The following TNPO1 variants were observed in gnomAD, a reference collection of about 807,000 sequenced individuals.
TNPO1 encodes the protein transportin 1, also known as transportin-1.
Under a neutral mutation model 119.5 loss-of-function variants are expected in TNPO1, and 8 were observed. That is an observed-to-expected ratio of 0.07 (90% CI 0.04 to 0.12). The LOEUF (loss-of-function observed/expected upper bound fraction) is 0.12, where lower values mean the gene tolerates loss of function less well. Ranked by LOEUF, TNPO1 falls within the 10% of genes least tolerant of loss-of-function variation. The probability of loss-of-function intolerance (pLI) is 1.00; values close to 1 mark genes in which losing one functional copy is unlikely to be tolerated. For synonymous variants in TNPO1, 362 were observed against 363.0 expected, an observed-to-expected ratio of 1.00 and a Z score of 0.03; for missense variants, 576 against 1,089.8, an observed-to-expected ratio of 0.53 and a Z score of 6.64.
At chr5:72,821,754 A>T (rs983152357) in intron 1 of TNPO1, among the ~76,000 whole-genome samples, 2 of 152,204 alleles carry the variant, frequency 1.3e-5, no homozygotes, top group Non-Finnish European at 2.9e-5. Context: ...CCAGTAATAG[A>T]TTCGTTGAAT....
chr5:72,896,501 C>A lies in TNPO1; in HGVS notation c.2187C>A (p.Phe729Leu). 1 of 1,611,946 alleles carries A rather than the reference C, an allele frequency of 6.2e-7. No homozygotes were observed. Among genetic ancestry groups the A allele is most frequent in the South Asian group, 1.1e-5 (1 of 90,962 alleles). ...TGGGAACCAACCTAAATCCAGAATT[C>A]ATTTCAGTCTGCAACAATGCCACAT... ...PILGTNLNPEFISVCNNATWA... is the reference protein window; with the variant it reads ...PILGTNLNPELISVCNNATWA... The change falls in exon 19 of 25, where the codon TTC (phenylalanine) becomes TTA (leucine). Residue 729 changes from phenylalanine to leucine, a missense_variant. Phe to Leu is a conservative substitution (Grantham distance 22, BLOSUM62 0). Coordinates refer to ENST00000337273, the MANE Select transcript of TNPO1 (RefSeq NM_002270.4).
Position 72,893,713 on chromosome 5 carries a change from T to G in TNPO1, c.2143+10T>G. 6.2e-7 allele frequency: 1 copy of G among 1,610,358 alleles called. No individual in the cohort carries two copies. ...GTTAAGCCTTGTATAGGTATGAATA[T>G]TTTCTACTGCTATGAATATGGTTTT... On this transcript the variant is annotated intron_variant, in intron 18 of 24. Transcript: ENST00000337273.
intron 20 of TNPO1, among the ~76,000 whole-genome samples, chr5:72,899,705 C>T (rs182537122): frequency 8.3e-4 from 127 of 152,238 alleles, no homozygotes; most frequent in African/African-American, 3.0e-3. Context: ...TACCTTGACA[C>T]TCGATTGAGC....
chr5:72,849,560 G>A (rs1745395297), intron 2 of TNPO1, among the ~76,000 whole-genome samples: 1 of 152,160 alleles, frequency 6.6e-6, no homozygotes, highest in Admixed American at 6.5e-5. Context: ...TACCCCGAGG[G>A]TTTCGCAGAA....
In TNPO1 at chr5:72,913,615, T is replaced by C. The variant is rs1412344163; in HGVS notation, c.*4942T>C. 2 of 152,528 alleles carry C rather than the reference T, an allele frequency of 1.3e-5. No homozygotes were observed. The highest frequency in any genetic ancestry group is 2.9e-5 in the Non-Finnish European group (2 of 67,922). The allele number at this position is 152,528 out of a possible 1,614,324, so 9.4% of individuals were successfully genotyped here. ...TATTGCAGTTTTTGTTTATCTGCCA[T>C]AGAATTTCCTTATACTGTGGCTTGG... On this transcript the variant is annotated 3_prime_UTR_variant, in exon 25 of 25. Transcript: ENST00000337273.
chr5:72,818,874 C>T (rs1041080259), intron 1 of TNPO1, among the ~76,000 whole-genome samples: 54 of 152,270 alleles, frequency 3.5e-4, no homozygotes, highest in Non-Finnish European at 7.1e-4. Context: ...TGAAATTCCC[C>T]TGGAGGTTGA....
intron 1 of TNPO1, 135 bp from the exon 2 acceptor site, chr5:72,848,250 A>C (rs1256339202): frequency 7.7e-7 from 1 of 1,290,848 alleles, no homozygotes; most frequent in African/African-American, 1.5e-5. Flanking sequence ...CACCTCAGGC[A>C]GGTCCGCGGC....
chr5:72,848,555 G>C, intron 2 of TNPO1, 57 bp downstream of exon 2: 2 of 1,150,422 alleles, frequency 1.7e-6, no homozygotes, highest in Non-Finnish European at 2.3e-6. Flanking sequence ...CTGCGGCCCA[G>C]CCCCCGGCGG....
chr5:72,868,171 G>C (rs531657384), intron 6 of TNPO1, among the ~76,000 whole-genome samples: 4 of 151,504 alleles, frequency 2.6e-5, no homozygotes, highest in African/African-American at 9.7e-5. Flanking sequence ...GGTGGCTCAC[G>C]CCTGTAATCC....
At chr5:72,822,910 T>A (rs1360572952) in intron 1 of TNPO1, among the ~76,000 whole-genome samples, 5 of 18,482 alleles carry the variant, frequency 2.7e-4, no homozygotes, top group East Asian at 2.7e-3. Context: ...GGTCTACACT[T>A]TTTTTTTTTT....
intron 1 of TNPO1, among the ~76,000 whole-genome samples, chr5:72,839,853 C>A (rs1359622104): frequency 1.3e-5 from 2 of 152,136 alleles, no homozygotes; most frequent in African/African-American, 4.8e-5. Context: ...CTTAAACATA[C>A]ATGGAGAGTG....
chr5:72,876,864 G>A lies in TNPO1; in HGVS notation c.802-364G>A, dbSNP rs1747823016. On this transcript the variant is annotated intron_variant, in intron 8 of 24. Coordinates refer to ENST00000337273, the MANE Select transcript of TNPO1 (RefSeq NM_002270.4). ...AATCCCAACACTTTGGGAGGCCGAG[G>A]TGGGCAGATCACGAGGTCAGGAGAT... Among the ~76,000 whole-genome samples, 3 of 152,080 alleles carry A rather than the reference G, an allele frequency of 2.0e-5. No homozygotes were observed. The South Asian group carries it at 6.2e-4, about 31-fold the overall frequency.
rs533090876 is a variant in TNPO1 at position 72,912,617 on chromosome 5, G to A, written c.*3944G>A. 2 of 152,440 alleles carry A rather than the reference G, an allele frequency of 1.3e-5. No homozygotes were observed. Among genetic ancestry groups the A allele is most frequent in the South Asian group, 2.1e-4 (1 of 4,822 alleles). 9.4% of individuals were successfully genotyped at this position (152,440 alleles called of 1,614,324 possible). Reference sequence around the variant, plus strand: ...GGCTGGGGTGGTATAAAGCCCTCCTGACAAGCCTTTTGCCTACAGGTTTAC... The same window carrying A: ...GGCTGGGGTGGTATAAAGCCCTCCTAACAAGCCTTTTGCCTACAGGTTTAC... On this transcript the variant is annotated 3_prime_UTR_variant, in exon 25 of 25. Coordinates refer to ENST00000337273, the MANE Select transcript of TNPO1 (RefSeq NM_002270.4).
chr5:72,883,950 A>T (rs1354320004), intron 11 of TNPO1, among the ~76,000 whole-genome samples: 1 of 149,866 alleles, frequency 6.7e-6, no homozygotes, highest in African/African-American at 2.5e-5. Context: ...CAGTTTTGCC[A>T]TGTTGCCCAG....
chr5:72,848,116 G>C, intron 1 of TNPO1: 3 of 1,131,206 alleles, frequency 2.7e-6, no homozygotes, highest in South Asian at 3.0e-5. Context: ...TTGCAAATTC[G>C]CGGTGACTCA....
chr5:72,839,050 CT>C, intron 1 of TNPO1, among the ~76,000 whole-genome samples: 1 of 152,164 alleles, frequency 6.6e-6, no homozygotes, highest in South Asian at 2.1e-4. Flanking sequence ...TTTTAAAAAG[CT>C]TTTTTTCTTA....
chr5:72,826,060 A>G (rs888122192), intron 1 of TNPO1, among the ~76,000 whole-genome samples: 1 of 151,928 alleles, frequency 6.6e-6, no homozygotes, highest in Non-Finnish European at 1.5e-5. Flanking sequence ...TTCCTACTTT[A>G]GGACTCTTGC....
chr5:72,876,547 G>T (rs748000222), intron 8 of TNPO1, among the ~76,000 whole-genome samples: 2 of 152,098 alleles, frequency 1.3e-5, no homozygotes, highest in Non-Finnish European at 2.9e-5. Context: ...TTAAATACGT[G>T]AAAGTCTATA....
At chr5:72,907,592 A>G (rs1186639969) in intron 24 of TNPO1, among the ~76,000 whole-genome samples, 2 of 152,162 alleles carry the variant, frequency 1.3e-5, no homozygotes, top group African/African-American at 2.4e-5. Flanking sequence ...AACAGTTTAA[A>G]TCTCCCAGTA....
Sources: gnomAD v4.1 joint callset for allele counts (sites outside exome capture counted in the v4.1 genomes callset) on GRCh38, gnomAD v4.1.1 for gene constraint, MANE v1.5 for transcripts, NCBI Gene and HGNC (gene_info 2026-07-23, HGNC 2026-07-21) for gene names.